TM4SF1: variants seen among roughly 807,000 people sequenced by gnomAD.
TM4SF1 encodes the protein transmembrane 4 L6 family member 1.
In TM4SF1, 20 loss-of-function variants were observed where a neutral mutation model predicts 24.5. The ratio of observed to expected loss-of-function variants is 0.82; its 90% confidence interval spans 0.57 to 1.19. TM4SF1 has a LOEUF of 1.19. Among genes scored for constraint, TM4SF1 ranks in the 50% most tolerant of loss-of-function variants. The pLI is 0.00. For missense variants in TM4SF1, 258 were observed against 248.1 expected, an observed-to-expected ratio of 1.04 and a Z score of -0.27; for synonymous variants, 107 against 95.4, an observed-to-expected ratio of 1.12 and a Z score of -0.71.
intron 1 of TM4SF1, 80 bp downstream of exon 1, chr3:149,377,291 C>A: frequency 6.6e-7 from 1 of 1,518,324 alleles, no homozygotes; most frequent in South Asian, 1.3e-5. Flanking sequence ...ATATGCATTA[C>A]AAAAAACTTT....
chr3:149,377,073 A>T (rs1731970377), intron 1 of TM4SF1, among the ~76,000 whole-genome samples: 1 of 152,212 alleles, frequency 6.6e-6, no homozygotes, highest in Admixed American at 6.5e-5. Context: ...TTCTAGTAGA[A>T]ACTCTATAGT....
chr3:149,369,785 G>C lies in TM4SF1; in HGVS notation c.*81C>G. On this transcript the variant is annotated 3_prime_UTR_variant, in exon 5 of 5. Transcript: ENST00000305366. ...GGGGAGTATGTTACACTAATACAAAGTTTTACAAATGAATACAAGTGAAAT... is the reference window on the plus strand; with the variant it reads ...GGGGAGTATGTTACACTAATACAAACTTTTACAAATGAATACAAGTGAAAT... 1 of 1,586,666 alleles carries C rather than the reference G, an allele frequency of 6.3e-7. No homozygotes were observed. The highest frequency in any genetic ancestry group is 8.6e-7 in the Non-Finnish European group (1 of 1,162,000).
Position 149,377,633 on chromosome 3 carries a change from A to T in TM4SF1, c.-86T>A. On this transcript the variant is annotated 5_prime_UTR_variant, in exon 1 of 5. Transcript: ENST00000305366. ...AGATGAAAGTGTGCCCTTCTGGTGGAGAAAGCAAACACCACTCTCAGCCCA... is the reference window on the plus strand; with the variant it reads ...AGATGAAAGTGTGCCCTTCTGGTGGTGAAAGCAAACACCACTCTCAGCCCA... The T allele has an allele frequency of 1.3e-6, 2 of 1,527,396 alleles. No homozygotes were observed. The highest frequency in any genetic ancestry group is 1.8e-6 in the Non-Finnish European group (2 of 1,138,524). The allele number at this position is 1,527,396 out of a possible 1,614,324, so 94.6% of individuals were successfully genotyped here.
chr3:149,377,504 A>T lies in TM4SF1; in HGVS notation c.44T>A (p.Val15Glu). 6.2e-7 allele frequency: 1 copy of T among 1,614,108 alleles called. No homozygotes were observed. ...CGCGATGCACAGGAGGGCGAGCCCC[A>T]CCAGAGAATGTCCGATGCATCGTGC... ...KCARCIGHSLVGLALLCIAAN... is the reference protein window; with the variant it reads ...KCARCIGHSLEGLALLCIAAN... The change falls in exon 1 of 5, where the codon GTG becomes GAG. Residue 15 changes from valine to glutamate, a missense_variant. By Grantham distance (121) the Val-to-Glu change is moderately radical (BLOSUM62 -2). Coordinates refer to ENST00000305366, the MANE Select transcript of TM4SF1 (RefSeq NM_014220.3).
In TM4SF1 at chr3:149,369,430, G is replaced by C. The variant is rs568331210; in HGVS notation, c.*436C>G. On this transcript the variant is annotated 3_prime_UTR_variant, in exon 5 of 5. Coordinates refer to ENST00000305366, the MANE Select transcript of TM4SF1 (RefSeq NM_014220.3). Reference sequence around the variant, plus strand: ...TGTATGAATGGGAAACATCATACAAGCAGTGAAAACAAAAATCTTTCCAGG... The same window carrying C: ...TGTATGAATGGGAAACATCATACAACCAGTGAAAACAAAAATCTTTCCAGG... 1 of 162,952 alleles carries C rather than the reference G, an allele frequency of 6.1e-6. No individual in the cohort carries two copies. Among genetic ancestry groups the C allele is most frequent in the Admixed American group, 6.4e-5 (1 of 15,564 alleles). 10.1% of individuals were successfully genotyped at this position (162,952 alleles called of 1,614,324 possible).
At position 149,373,488 on chromosome 3, in the gene TM4SF1, A is replaced by G. The variant is rs1461245977; in HGVS notation, c.414-1621T>C. 2.0e-5 allele frequency among the ~76,000 whole-genome samples: 3 copies of G among 152,204 alleles called. No individual in the cohort carries two copies. In the East Asian group the frequency reaches 5.8e-4, roughly 29 times the overall value. On this transcript the variant is annotated intron_variant, in intron 3 of 4. Transcript: ENST00000305366. The stretch of plus-strand genomic sequence containing the variant: ...TCTTTTCTTATCACGACTTCCTTCC[A>G]CAACAGAACAAAGGGGCTTGGAATT...
intron 3 of TM4SF1, among the ~76,000 whole-genome samples, chr3:149,372,095 G>A (rs1731838254): frequency 6.6e-6 from 1 of 151,978 alleles, no homozygotes; most frequent in South Asian, 2.1e-4. Flanking sequence ...CCCAATCTAG[G>A]ATTACATGGT....
At chr3:149,372,696 T>G (rs1172437867) in intron 3 of TM4SF1, among the ~76,000 whole-genome samples, 1 of 152,172 alleles carries the variant, frequency 6.6e-6, no homozygotes, top group Non-Finnish European at 1.5e-5. Flanking sequence ...CAATCTTGGC[T>G]CATTGCAACC....
rs773012025 is a variant in TM4SF1, at chr3:149,375,773, G to A, written c.178-4C>T. On this transcript the variant is annotated splice_region_variant and splice_polypyrimidine_tract_variant and intron_variant, in intron 1 of 4. Transcript: ENST00000305366. ...AGACAAATGCTGGCAGGAGCATCTG[G>A]TTAGGAAACAAACAAAGTCAGGTCA... 4 of 1,614,168 alleles carry A rather than the reference G, an allele frequency of 2.5e-6. No individual in the cohort carries two copies. In the South Asian group the frequency reaches 3.3e-5, roughly 13 times the overall value.
chr3:149,370,954 A>G (rs953969348), intron 4 of TM4SF1: 3 of 152,194 alleles, frequency 2.0e-5, no homozygotes, highest in African/African-American at 7.2e-5. Context: ...TTTTAGGAGG[A>G]TATAGAAACA....
chr3:149,371,332 A>C, intron 4 of TM4SF1: 1 of 454,760 alleles, frequency 2.2e-6, no homozygotes, highest in Non-Finnish European at 3.9e-6. Flanking sequence ...TTACTTATGT[A>C]TACTAGTTGG....
Position 149,375,783 on chromosome 3 carries a change from A to G in TM4SF1, c.178-14T>C. 2 of 1,613,834 alleles carry G rather than the reference A, an allele frequency of 1.2e-6. No individual in the cohort carries two copies. The highest frequency in any genetic ancestry group is 1.1e-5 in the South Asian group (1 of 91,072). On this transcript the variant is annotated splice_polypyrimidine_tract_variant and intron_variant, in intron 1 of 4. Coordinates refer to ENST00000305366, the MANE Select transcript of TM4SF1 (RefSeq NM_014220.3). ...TGGCAGGAGCATCTGGTTAGGAAAC[A>G]AACAAAGTCAGGTCATTGTCTTGCT...
chr3:149,375,537 A>C lies in TM4SF1; in HGVS notation c.319T>G (p.Cys107Gly), dbSNP rs140811683. 193 of 1,614,128 alleles carry C rather than the reference A, an allele frequency of 1.2e-4. No homozygotes were observed. The highest frequency in any genetic ancestry group is 1.6e-4 in the Non-Finnish European group (185 of 1,180,042). The change falls in exon 3 of 5, where the codon TGT becomes GGT. Residue 107 changes from cysteine to glycine, a missense_variant. Cys to Gly is a radical substitution (Grantham distance 159, BLOSUM62 -3). Transcript: ENST00000305366. ...AAGCCAAGGGCTGCCACAATGACAC[A>C]GTAGCCAGATCCTGCAATTCCAATG... ...ALIGIAGSGY[C>G]VIVAALGLAE...
In TM4SF1 at chr3:149,369,217, G is replaced by T. The variant is rs1181236523; in HGVS notation, c.*649C>A. On this transcript the variant is annotated 3_prime_UTR_variant, in exon 5 of 5. Transcript: ENST00000305366. ...TGATCCCTAGTACTCATCTTTGGAG[G>T]ACAAAAGGCTTTCCATATGTTAGAA... The T allele has an allele frequency of 2.0e-5, 3 of 152,142 alleles. No individual in the cohort carries two copies. The highest frequency in any genetic ancestry group is 7.2e-5 in the African/African-American group (3 of 41,398). The allele number at this position is 152,142 out of a possible 1,614,324, so 9.4% of individuals were successfully genotyped here.
rs529048348 is a variant in TM4SF1, at chr3:149,371,393, A to T, written c.594+294T>A. On this transcript the variant is annotated intron_variant, in intron 4 of 4. Coordinates refer to ENST00000305366, the MANE Select transcript of TM4SF1 (RefSeq NM_014220.3). ...ACATCACTTTTTTTTCTGTCTCTGC[A>T]GCGAGAGCAGAGGCAGTGAATTAGA... 1.2e-5 allele frequency: 7 copies of T among 565,150 alleles called. No individual in the cohort carries two copies. In the East Asian group the frequency reaches 2.0e-4, roughly 16 times the overall value. 35.0% of individuals were successfully genotyped at this position (565,150 alleles called of 1,614,324 possible).
At chr3:149,373,463 TC>T (rs1195071768) in intron 3 of TM4SF1, among the ~76,000 whole-genome samples, 6 of 152,224 alleles carry the variant, frequency 3.9e-5, no homozygotes, top group Non-Finnish European at 7.3e-5. Flanking sequence ...CTGGTATAAT[TC>T]TTTTCTTATC....
chr3:149,375,317 T>C lies in TM4SF1; in HGVS notation c.413+126A>G. On this transcript the variant is annotated intron_variant, in intron 3 of 4. Coordinates refer to ENST00000305366, the MANE Select transcript of TM4SF1 (RefSeq NM_014220.3). ...ATTGCCTAAACCATGCCTGAGTCAGTGAGAATAAACACTGGCTAGGTGGGT... is the reference window on the plus strand; with the variant it reads ...ATTGCCTAAACCATGCCTGAGTCAGCGAGAATAAACACTGGCTAGGTGGGT... 3 of 1,233,100 alleles carry C rather than the reference T, an allele frequency of 2.4e-6. No individual in the cohort carries two copies. In the South Asian group the frequency reaches 4.4e-5, roughly 18 times the overall value. 76.4% of individuals were successfully genotyped at this position (1,233,100 alleles called of 1,614,324 possible).
In TM4SF1 at chr3:149,375,536, C is replaced by T. The variant is rs994955712; in HGVS notation, c.320G>A (p.Cys107Tyr). The change falls in exon 3 of 5, where the codon TGT becomes TAT. Residue 107 changes from cysteine to tyrosine, a missense_variant. Transcript: ENST00000305366. Reference sequence around the variant, plus strand: ...TAAGCCAAGGGCTGCCACAATGACACAGTAGCCAGATCCTGCAATTCCAAT... The same window carrying T: ...TAAGCCAAGGGCTGCCACAATGACATAGTAGCCAGATCCTGCAATTCCAAT... ...ALIGIAGSGY[C>Y]VIVAALGLAE... The T allele has an allele frequency of 6.2e-7, 1 of 1,614,220 alleles. No homozygotes were observed. The highest frequency in any genetic ancestry group is 8.5e-7 in the Non-Finnish European group (1 of 1,180,036).
rs1413858219 is a variant in TM4SF1 at position 149,375,492 on chromosome 3, G to A, written c.364C>T (p.Leu122Phe). ...TAGTTCCACTGGCCGAGGGAATCAA[G>A]ACATAGTGGTCCTTCTGCTAAGCCA... ...ALGLAEGPLC[L>F]DSLGQWNYTF... is the part of the protein sequence containing the mutation. The change falls in exon 3 of 5, where the codon CTT (leucine) becomes TTT (phenylalanine). Residue 122 changes from leucine to phenylalanine, a missense_variant. By Grantham distance (22) the Leu-to-Phe change is conservative. Coordinates refer to ENST00000305366, the MANE Select transcript of TM4SF1 (RefSeq NM_014220.3). 2.5e-6 allele frequency: 4 copies of A among 1,614,064 alleles called. No homozygotes were observed. Among genetic ancestry groups the A allele is most frequent in the Non-Finnish European group, 3.4e-6 (4 of 1,180,030 alleles).
Sources: gnomAD v4.1 joint callset for allele counts (sites outside exome capture counted in the v4.1 genomes callset) on GRCh38, gnomAD v4.1.1 for gene constraint, MANE v1.5 for transcripts, NCBI Gene and HGNC (gene_info 2026-07-23, HGNC 2026-07-21) for gene names.